NOL4: variants seen among roughly 807,000 people sequenced by gnomAD.
The protein encoded by NOL4 is nucleolar protein 4.
Under a neutral mutation model 75.9 loss-of-function variants are expected in NOL4, and 17 were observed. The observed-to-expected ratio is 0.22, with a 90% CI of 0.15 to 0.34. NOL4 has a LOEUF of 0.34. NOL4 is among the 10% of genes least tolerant of loss of function. NOL4 has a pLI of 1.00. For synonymous variants in NOL4, 292 were observed against 289.9 expected (o/e 1.01, Z -0.07); for missense variants, 614 against 793.5 (o/e 0.77, Z 2.72).
chr18:34,181,779 C>T (rs2034058426), intron 1 of NOL4, among the ~76,000 whole-genome samples: 1 of 151,576 alleles, frequency 6.6e-6, no homozygotes, highest in African/African-American at 2.4e-5. Context: ...GACATACAAA[C>T]ATCCAATAAA....
chr18:33,953,748 C>T (rs978168987), intron 8 of NOL4, among the ~76,000 whole-genome samples: 3 of 151,924 alleles, frequency 2.0e-5, no homozygotes, highest in South Asian at 4.1e-4. Context: ...CCCTAGTGTC[C>T]GACTGACATT....
intron 4 of NOL4, among the ~76,000 whole-genome samples, chr18:34,096,666 A>C (rs1048853692): frequency 2.6e-5 from 4 of 152,108 alleles, no homozygotes; most frequent in Non-Finnish European, 5.9e-5. Flanking sequence ...TCCACATCAT[A>C]CTGTGTGAGC....
At chr18:34,142,309 G>T (rs2081203461) in intron 1 of NOL4, among the ~76,000 whole-genome samples, 1 of 152,170 alleles carries the variant, frequency 6.6e-6, no homozygotes, top group South Asian at 2.1e-4. Context: ...AATACCATTT[G>T]ACCCAGCCAT....
chr18:34,019,049 T>C (rs146989829), intron 6 of NOL4, among the ~76,000 whole-genome samples: 115 of 152,196 alleles, frequency 7.6e-4, no homozygotes, highest in Non-Finnish European at 1.5e-3. Flanking sequence ...TTCATACAAA[T>C]AGATTATATA....
chr18:34,213,423 G>C (rs1241740016), intron 1 of NOL4, among the ~76,000 whole-genome samples: 1 of 152,152 alleles, frequency 6.6e-6, no homozygotes, highest in South Asian at 2.1e-4. Flanking sequence ...CTGAGTAGCT[G>C]GGACTACAGG....
chr18:34,126,419 T>C (rs1180818516), intron 2 of NOL4, among the ~76,000 whole-genome samples: 1 of 152,192 alleles, frequency 6.6e-6, no homozygotes, highest in Non-Finnish European at 1.5e-5. Context: ...GAGTAATACA[T>C]ATAAGTTTAC....
chr18:34,121,789 T>C (rs1182892575), intron 2 of NOL4, among the ~76,000 whole-genome samples: 2 of 152,228 alleles, frequency 1.3e-5, no homozygotes, highest in East Asian at 1.9e-4. Context: ...GAGTGTTTAC[T>C]GTTCTCACTA....
intron 10 of NOL4, among the ~76,000 whole-genome samples, chr18:33,861,792 A>G (rs1452675861): frequency 6.6e-6 from 1 of 152,142 alleles, no homozygotes; most frequent in East Asian, 1.9e-4. Context: ...ATGGAAGAAC[A>G]TTCCATGCTC....
At chr18:33,920,116 C>T (rs1214085362) in intron 9 of NOL4, among the ~76,000 whole-genome samples, 5 of 151,668 alleles carry the variant, frequency 3.3e-5, no homozygotes, top group African/African-American at 1.2e-4. Flanking sequence ...TATTTTGATA[C>T]AAAATTTCAT....
intron 9 of NOL4, among the ~76,000 whole-genome samples, chr18:33,917,481 A>G (rs1189928048): frequency 6.6e-6 from 1 of 152,060 alleles, no homozygotes; most frequent in East Asian, 1.9e-4. Context: ...TAAACTCTAT[A>G]GAAGGCTAAT....
intron 6 of NOL4, among the ~76,000 whole-genome samples, chr18:34,008,912 T>C (rs532579994): frequency 7.9e-5 from 12 of 152,146 alleles, no homozygotes; most frequent in Non-Finnish European, 1.3e-4. Context: ...CAATGCAACA[T>C]ATTCCCATGT....
chr18:33,957,517 T>C lies in NOL4; in HGVS notation c.1237A>G (p.Met413Val). 6.2e-7 allele frequency: 1 copy of C among 1,612,004 alleles called. No homozygotes were observed. The highest frequency in any genetic ancestry group is 8.5e-7 in the Non-Finnish European group (1 of 1,178,782). ...TCATCTACAAACAGCCTGACAAACA[T>C]CTGTTGGCAAGAGGGAGACAGAGGA... is the stretch of plus-strand genomic sequence containing the variant. ...VEAERLKAFNMFVRLFVDENL... is the reference protein window; with the variant it reads ...VEAERLKAFNVFVRLFVDENL... The change falls in exon 8 of 11, where the codon ATG becomes GTG. Residue 413 changes from methionine to valine, a missense_variant and splice_region_variant. Around this residue, in one of 9 missense-constraint regions of NOL4, gnomAD observed 52 missense variants for 121.1 expected, o/e 0.43. Transcript: ENST00000261592.
chr18:34,206,947 C>T (rs2036162246), intron 1 of NOL4, among the ~76,000 whole-genome samples: 1 of 151,932 alleles, frequency 6.6e-6, no homozygotes, highest in Non-Finnish European at 1.5e-5. Flanking sequence ...TCTATTGAGT[C>T]CATGAATTTT....
chr18:34,150,405 GA>G (rs910570565), intron 1 of NOL4, among the ~76,000 whole-genome samples: 2 of 151,346 alleles, frequency 1.3e-5, no homozygotes, highest in African/African-American at 4.8e-5. Context: ...GTATCAGTAG[GA>G]TAGAATAGAG....
intron 9 of NOL4, among the ~76,000 whole-genome samples, chr18:33,892,754 C>A (rs1312151722): frequency 6.6e-6 from 1 of 152,010 alleles, no homozygotes; most frequent in Non-Finnish European, 1.5e-5. Flanking sequence ...AACTCCCAGG[C>A]TCAAGTGATC....
chr18:34,089,183 TACCTG>T (rs2078387699), intron 5 of NOL4, among the ~76,000 whole-genome samples: 1 of 152,148 alleles, frequency 6.6e-6, no homozygotes, highest in African/African-American at 2.4e-5. Flanking sequence ...TTTTTATACC[TACCTG>T]TTATAATTAT....
intron 6 of NOL4, among the ~76,000 whole-genome samples, chr18:33,960,068 T>C (rs908137309): frequency 3.3e-5 from 5 of 152,106 alleles, no homozygotes; most frequent in Admixed American, 6.6e-5. Context: ...AAAACTGCTA[T>C]TCCACCTAAA....
chr18:34,187,314 T>C (rs2034539717), intron 1 of NOL4, among the ~76,000 whole-genome samples: 1 of 152,002 alleles, frequency 6.6e-6, no homozygotes, highest in African/African-American at 2.4e-5. Flanking sequence ...ATTTTTTCAC[T>C]TAGTAATTTG....
At chr18:34,038,530 T>C (rs932151762) in intron 5 of NOL4, among the ~76,000 whole-genome samples, 1 of 152,194 alleles carries the variant, frequency 6.6e-6, no homozygotes, top group African/African-American at 2.4e-5. Context: ...GTGGTACATA[T>C]ACATAGTAGA....
Sources: gnomAD v4.1 joint callset for allele counts (sites outside exome capture counted in the v4.1 genomes callset) on GRCh38, gnomAD v4.1.1 for gene constraint, gnomAD v4.1.1 regional missense constraint, MANE v1.5 for transcripts, NCBI Gene and HGNC (gene_info 2026-07-23, HGNC 2026-07-21) for gene names.